PRKCB: variants seen among roughly 807,000 people sequenced by gnomAD.
The protein encoded by PRKCB is protein kinase C beta type.
A neutral mutation model predicts 81.5 loss-of-function variants in PRKCB; 13 were observed. That is an observed-to-expected ratio of 0.16 (90% CI 0.10 to 0.25). The LOEUF (loss-of-function observed/expected upper bound fraction) is 0.25, where lower values mean the gene tolerates loss of function less well. PRKCB is among the 10% of genes least tolerant of loss of function. The pLI, the probability that PRKCB is intolerant of heterozygous loss-of-function variation, is 1.00. For missense variants in PRKCB, 509 were observed against 875.7 expected (o/e 0.58, Z 5.29); for synonymous variants, 335 against 321.4 (o/e 1.04, Z -0.45).
chr16:23,887,939 G>A (rs903315017), intron 2 of PRKCB, among the ~76,000 whole-genome samples: 1 of 152,214 alleles, frequency 6.6e-6, no homozygotes, highest in African/African-American at 2.4e-5. Context: ...AAGGCTGGCA[G>A]CTGTATGGTC....
chr16:24,132,209 G>A (rs746189999), intron 9 of PRKCB, among the ~76,000 whole-genome samples: 3 of 152,092 alleles, frequency 2.0e-5, no homozygotes, highest in Non-Finnish European at 4.4e-5. Context: ...TGTCTCCCAG[G>A]TTATCAGCAG....
chr16:24,011,997 G>T (rs11645594), intron 3 of PRKCB, among the ~76,000 whole-genome samples: 2,810 of 152,226 alleles, frequency 0.018, 43 homozygotes, highest in Non-Finnish European at 0.03. Context: ...TTAGGTCCTG[G>T]CTTCACTCCT....
chr16:24,083,872 A>G (rs1966280587), intron 5 of PRKCB, among the ~76,000 whole-genome samples: 2 of 152,238 alleles, frequency 1.3e-5, no homozygotes, highest in Admixed American at 1.3e-4. Flanking sequence ...TGTTATAGGC[A>G]GAAAATAAGC....
intron 2 of PRKCB, among the ~76,000 whole-genome samples, chr16:23,887,897 G>A (rs1243522911): frequency 6.6e-6 from 1 of 152,194 alleles, no homozygotes; most frequent in Admixed American, 6.5e-5. Context: ...CAGAATGCTT[G>A]AAGGATTCTC....
chr16:23,983,453 A>T (rs1273369826), intron 2 of PRKCB, among the ~76,000 whole-genome samples: 2 of 152,156 alleles, frequency 1.3e-5, no homozygotes, highest in Non-Finnish European at 2.9e-5. Flanking sequence ...ACCTAAAGTG[A>T]CCTTGTCAAT....
At chr16:24,162,102 C>A (rs1967265686) in intron 10 of PRKCB, among the ~76,000 whole-genome samples, 1 of 151,840 alleles carries the variant, frequency 6.6e-6, no homozygotes, top group Admixed American at 6.6e-5. Flanking sequence ...CCCAAATTTG[C>A]TGCCATGGCC....
chr16:24,047,748 T>G (rs1965786035), intron 5 of PRKCB, among the ~76,000 whole-genome samples: 2 of 152,154 alleles, frequency 1.3e-5, no homozygotes, highest in Admixed American at 6.5e-5. Flanking sequence ...TCAGCACTGG[T>G]AGTTCTCATA....
intron 11 of PRKCB, among the ~76,000 whole-genome samples, chr16:24,173,061 G>C (rs760543228): frequency 6.6e-6 from 1 of 151,954 alleles, no homozygotes; most frequent in Non-Finnish European, 1.5e-5. Flanking sequence ...TTCTGACCCC[G>C]GTTTTTCTTT....
chr16:24,176,447 A>G (rs1014660868), intron 12 of PRKCB, among the ~76,000 whole-genome samples: 14 of 152,168 alleles, frequency 9.2e-5, no homozygotes, highest in Admixed American at 8.5e-4. Flanking sequence ...AAATAGTATG[A>G]TCATTCTGCC....
intron 2 of PRKCB, among the ~76,000 whole-genome samples, chr16:23,903,300 T>C (rs560494298): frequency 6.6e-6 from 1 of 151,042 alleles, no homozygotes; most frequent in South Asian, 2.1e-4. Flanking sequence ...CACGTGTGTG[T>C]GGGGGAGTGA....
intron 2 of PRKCB, among the ~76,000 whole-genome samples, chr16:23,868,628 C>A (rs1469396864): frequency 6.6e-6 from 1 of 152,208 alleles, no homozygotes; most frequent in African/African-American, 2.4e-5. Context: ...AACGCATGCT[C>A]TTAATCACCA....
chr16:23,933,626 T>G (rs1351138186), intron 2 of PRKCB, among the ~76,000 whole-genome samples: 1 of 132,914 alleles, frequency 7.5e-6, no homozygotes, highest in East Asian at 2.3e-4. Context: ...TGGTGTGAAC[T>G]GATATCCATC....
At chr16:24,186,953 G>A (rs1967712413) in intron 15 of PRKCB, among the ~76,000 whole-genome samples, 2 of 151,892 alleles carry the variant, frequency 1.3e-5, no homozygotes. Flanking sequence ...GAAAGAAAGT[G>A]AAGAATAGAG....
chr16:24,216,104 C>A lies in PRKCB; in HGVS notation c.*1288C>A, dbSNP rs970088074. 2 of 985,186 alleles carry A rather than the reference C, an allele frequency of 2.0e-6. No individual in the cohort carries two copies. The highest frequency in any genetic ancestry group is 3.5e-5 in the African/African-American group (2 of 57,210). The allele number at this position is 985,186 out of a possible 1,614,324, so 61.0% of individuals were successfully genotyped here. A position where few individuals can be genotyped will look rare whatever the true frequency, so the allele number is the denominator to read the frequency against. Reference sequence around the variant, plus strand: ...GAGGAGGGAACTCAGGAGAAAGGAACTAACTGCGGAGCTTTAATCTTGGCC... The same window carrying A: ...GAGGAGGGAACTCAGGAGAAAGGAAATAACTGCGGAGCTTTAATCTTGGCC... On this transcript the variant is annotated 3_prime_UTR_variant, in exon 17 of 17. Transcript: ENST00000643927.
chr16:24,214,625 C>A, intron 16 of PRKCB, 33 bp from the exon 17 acceptor site: 1 of 1,572,614 alleles, frequency 6.4e-7, no homozygotes, highest in Non-Finnish European at 8.7e-7. Context: ...TTTTTTCCCA[C>A]CCACCACAAG....
At chr16:24,003,717 A>T (rs1333609020) in intron 3 of PRKCB, among the ~76,000 whole-genome samples, 3 of 152,134 alleles carry the variant, frequency 2.0e-5, no homozygotes, top group African/African-American at 7.2e-5. Context: ...ATCTCAGAAA[A>T]TGTTCTGATG....
chr16:24,191,917 T>G (rs1452002435), intron 16 of PRKCB, among the ~76,000 whole-genome samples: 1 of 152,230 alleles, frequency 6.6e-6, no homozygotes, highest in African/African-American at 2.4e-5. Context: ...GAAGTACTTG[T>G]CGGCATCAGG....
intron 5 of PRKCB, among the ~76,000 whole-genome samples, chr16:24,059,666 C>T (rs1474714478): frequency 6.6e-6 from 1 of 151,536 alleles, no homozygotes; most frequent in African/African-American, 2.4e-5. Context: ...CACCCTATCT[C>T]GAATAATAAT....
At chr16:23,925,416 C>T (rs1355108859) in intron 2 of PRKCB, among the ~76,000 whole-genome samples, 2 of 151,970 alleles carry the variant, frequency 1.3e-5, no homozygotes, top group South Asian at 2.1e-4. Flanking sequence ...TCTTCCTGGA[C>T]GTGACCCTCC....
Sources: gnomAD v4.1 joint callset for allele counts (sites outside exome capture counted in the v4.1 genomes callset) on GRCh38, gnomAD v4.1.1 for gene constraint, MANE v1.5 for transcripts, NCBI Gene and HGNC (gene_info 2026-07-23, HGNC 2026-07-21) for gene names.